Variants in SCN11A observed in about 807,000 individuals in gnomAD.
The protein encoded by SCN11A is sodium channel protein type 11 subunit alpha.
SCN11A carries 122 observed loss-of-function variants against 162.2 expected under a neutral mutation model. The observed-to-expected ratio is 0.75, with a 90% CI of 0.65 to 0.87. The LOEUF is 0.87. SCN11A is among the 40% of genes least tolerant of loss of function. The probability of loss-of-function intolerance (pLI) is 0.00; values close to 1 mark genes in which losing one functional copy is unlikely to be tolerated. For missense variants in SCN11A, 2,015 were observed against 2,181.6 expected, an observed-to-expected ratio of 0.92 and a Z score of 1.52; for synonymous variants, 758 against 751.5, an observed-to-expected ratio of 1.01 and a Z score of -0.14.
At chr3:38,983,137 T>G (rs1224457562) in intron 2 of SCN11A, among the ~76,000 whole-genome samples, 1 of 152,226 alleles carries the variant, frequency 6.6e-6, no homozygotes, top group Non-Finnish European at 1.5e-5. Flanking sequence ...CTCTTCTTAC[T>G]GTGCTACTTA....
intron 21 of SCN11A, among the ~76,000 whole-genome samples, chr3:38,884,787 C>T (rs1411351773): frequency 6.6e-6 from 1 of 152,214 alleles, no homozygotes; most frequent in Non-Finnish European, 1.5e-5. Context: ...CACAACAACT[C>T]TTTGCTTTGG....
intron 6 of SCN11A, 77 bp downstream of exon 6, chr3:38,946,712 C>T: frequency 1.1e-6 from 1 of 909,302 alleles, no homozygotes; most frequent in Non-Finnish European, 1.7e-6. Context: ...TTGCTTCCAT[C>T]CAATAACATG....
At chr3:39,018,681 G>A (rs1055284001) in intron 2 of SCN11A, among the ~76,000 whole-genome samples, 3 of 152,084 alleles carry the variant, frequency 2.0e-5, no homozygotes. Flanking sequence ...AGCCAGGTGT[G>A]GTGGCGGGCA....
At chr3:38,950,461 T>C in intron 4 of SCN11A, 92 bp from the exon 5 acceptor site, 4 of 1,335,952 alleles carry the variant, frequency 3.0e-6, no homozygotes, top group Non-Finnish European at 4.2e-6. Context: ...TAAAGGATGG[T>C]GTCATAAGGA....
intron 2 of SCN11A, among the ~76,000 whole-genome samples, chr3:39,003,089 T>C (rs1194410054): frequency 1.3e-5 from 2 of 152,188 alleles, no homozygotes; most frequent in African/African-American, 4.8e-5. Context: ...GATAAACCCA[T>C]GTCATGGGAA....
In SCN11A at chr3:39,005,406, C is replaced by T. The variant is rs150307886; in HGVS notation, c.-280+26974G>A. 1.1e-3 allele frequency among the ~76,000 whole-genome samples: 167 copies of T among 152,340 alleles called. 1 individual carries two copies. The highest frequency in any genetic ancestry group is 3.9e-3 in the African/African-American group (164 of 41,576). ...CTCCCCAGACATTGGCAAGTGACTACAACCCCTGAGAGGGGTAACAAAGCT... is the reference window on the plus strand; with the variant it reads ...CTCCCCAGACATTGGCAAGTGACTATAACCCCTGAGAGGGGTAACAAAGCT... On this transcript the variant is annotated intron_variant, in intron 2 of 29. Transcript: ENST00000302328.
At chr3:39,015,823 G>A (rs1310153569) in intron 2 of SCN11A, among the ~76,000 whole-genome samples, 3 of 152,012 alleles carry the variant, frequency 2.0e-5, no homozygotes, top group Non-Finnish European at 2.9e-5. Context: ...TGCAAACTCC[G>A]CCTCCCGGGC....
At chr3:38,867,219 T>A (rs2065054424) in intron 27 of SCN11A, 102 bp downstream of exon 27, 1 of 1,147,816 alleles carries the variant, frequency 8.7e-7, no homozygotes, top group Admixed American at 2.1e-5. Context: ...GTGCAGATCA[T>A]AAAGGCTACT....
Position 38,904,080 on chromosome 3 carries a change from A to G in SCN11A, c.1627T>C (p.Cys543Arg). ...GCCAGGTTTTCTCCACAAGGGAGAC[A>G]AGGCTCTTGTGATTTTTCTTGTTCT... ...MKEQEKSQEP[C>R]LPCGENLASK... is the part of the protein sequence containing the mutation. Residue 543 changes from cysteine (C) to arginine (R), a missense_variant, in exon 16 of 30, where the codon TGT (cysteine) becomes CGT (arginine). Cys to Arg is a radical substitution (Grantham distance 180, BLOSUM62 -3). Coordinates refer to ENST00000302328, the MANE Select transcript of SCN11A (RefSeq NM_001349253.2). 6.3e-7 allele frequency: 1 copy of G among 1,578,512 alleles called. No homozygotes were observed. The highest frequency in any genetic ancestry group is 1.9e-5 in the Admixed American group (1 of 53,582).
rs113267204 is a variant in SCN11A at position 38,895,629 on chromosome 3, G to A, written c.2404-665C>T. 2.8e-3 allele frequency among the ~76,000 whole-genome samples: 422 copies of A among 152,154 alleles called. 3 individuals carry two copies. The highest frequency in any genetic ancestry group is 5.7e-3 in the Admixed American group (87 of 15,280). ...CTTTGTTTGTGGCTCTCTTCAGCTC[G>A]ACAATAGACAGCCTTTGGAGAGAAG... On this transcript the variant is annotated intron_variant, in intron 18 of 29. Coordinates refer to ENST00000302328, the MANE Select transcript of SCN11A (RefSeq NM_001349253.2).
At chr3:39,035,357 T>C (rs1054506278) in intron 1 of SCN11A, among the ~76,000 whole-genome samples, 2 of 152,180 alleles carry the variant, frequency 1.3e-5, no homozygotes, top group African/African-American at 4.8e-5. Flanking sequence ...AAGGACAGTC[T>C]CTTCAGTAAA....
At chr3:38,951,828 A>T (rs1010621694) in intron 4 of SCN11A, among the ~76,000 whole-genome samples, 6 of 152,242 alleles carry the variant, frequency 3.9e-5, no homozygotes, top group Non-Finnish European at 8.8e-5. Context: ...TAGCTCAGGG[A>T]ATGTAAACGC....
intron 2 of SCN11A, among the ~76,000 whole-genome samples, chr3:38,992,662 C>G (rs1214785989): frequency 6.6e-6 from 1 of 152,206 alleles, no homozygotes; most frequent in Non-Finnish European, 1.5e-5. Flanking sequence ...TGCTAAACCT[C>G]TTTCATACCT....
rs147219447 is a variant in SCN11A, at chr3:38,894,482, T to C, written c.2835+51A>G. ...AAAAGGGCAGGCTACCAGTGCCCTG[T>C]GATAACTCCAGCTTTGTATGACCTT... On this transcript the variant is annotated intron_variant, in intron 19 of 29. Coordinates refer to ENST00000302328, the MANE Select transcript of SCN11A (RefSeq NM_001349253.2). The C allele has an allele frequency of 2.7e-4, 387 of 1,450,894 alleles. 1 individual carries two copies. The African/African-American group carries it at 5.1e-3, about 19-fold the overall frequency. The allele number at this position is 1,450,894 out of a possible 1,614,324, so 89.9% of individuals were successfully genotyped here.
chr3:38,899,277 C>T (rs2065656512), intron 17 of SCN11A, among the ~76,000 whole-genome samples: 1 of 152,170 alleles, frequency 6.6e-6, no homozygotes, highest in Non-Finnish European at 1.5e-5. Context: ...TGTGCTGCAA[C>T]CTTCTCAAAG....
At chr3:38,940,687 T>TA (rs397705412) in intron 7 of SCN11A, among the ~76,000 whole-genome samples, 4 of 152,030 alleles carry the variant, frequency 2.6e-5, no homozygotes, top group Non-Finnish European at 4.4e-5. Context: ...TTTAAATTTT[T>TA]AAAAAAGGAA....
chr3:39,020,278 C>A (rs2031414778), intron 2 of SCN11A, among the ~76,000 whole-genome samples: 1 of 152,154 alleles, frequency 6.6e-6, no homozygotes, highest in Non-Finnish European at 1.5e-5. Flanking sequence ...CTCACTGATA[C>A]TTGAAAGAAT....
At chr3:38,983,139 T>C (rs2030119650) in intron 2 of SCN11A, among the ~76,000 whole-genome samples, 1 of 152,214 alleles carries the variant, frequency 6.6e-6, no homozygotes, top group South Asian at 2.1e-4. Context: ...CTTCTTACTG[T>C]GCTACTTATT....
chr3:38,854,693 A>C (rs4640499), intron 28 of SCN11A, among the ~76,000 whole-genome samples: 5,936 of 152,296 alleles, frequency 0.039, 223 homozygotes, highest in East Asian at 0.16. Context: ...AGGGGGGAAA[A>C]CCTGCCTCCA....
Sources: gnomAD v4.1 joint callset for allele counts (sites outside exome capture counted in the v4.1 genomes callset) on GRCh38, gnomAD v4.1.1 for gene constraint, MANE v1.5 for transcripts, NCBI Gene and HGNC (gene_info 2026-07-23, HGNC 2026-07-21) for gene names.